Variants in THSD4 observed in about 807,000 individuals in gnomAD.
The protein encoded by THSD4 is thrombospondin type-1 domain-containing protein 4.
In THSD4, 69 loss-of-function variants were observed where a neutral mutation model predicts 119.0. That is an observed-to-expected ratio of 0.58 (90% CI 0.48 to 0.71). The LOEUF (loss-of-function observed/expected upper bound fraction) is 0.71, where lower values mean the gene tolerates loss of function less well. Among genes scored for constraint, THSD4 ranks in the 30% least tolerant of loss-of-function variants. The probability of loss-of-function intolerance (pLI) is 0.00; values close to 1 mark genes in which losing one functional copy is unlikely to be tolerated. For synonymous variants in THSD4, 524 were observed against 540.4 expected (o/e 0.97, Z 0.42); for missense variants, 1,393 against 1,391.1 (o/e 1.00, Z -0.02).
intron 6 of THSD4, among the ~76,000 whole-genome samples, chr15:71,293,917 T>TG (rs1055249605): frequency 3.1e-4 from 47 of 152,208 alleles, no homozygotes; most frequent in Non-Finnish European, 1.9e-4. Flanking sequence ...AGTGGCTGCC[T>TG]GGGGGGTCCC....
At chr15:71,386,088 T>G (rs996134894) in intron 6 of THSD4, among the ~76,000 whole-genome samples, 3 of 152,220 alleles carry the variant, frequency 2.0e-5, no homozygotes, top group Non-Finnish European at 2.9e-5. Flanking sequence ...TGGGACTGTT[T>G]ACTGAGTAGG....
intron 5 of THSD4, among the ~76,000 whole-genome samples, chr15:71,249,606 A>C (rs1280491890): frequency 1.3e-5 from 2 of 151,960 alleles, no homozygotes; most frequent in Non-Finnish European, 2.9e-5. Context: ...CTTCATATAT[A>C]TATACACACA....
At chr15:71,757,557 A>AGT (rs1294856186) in intron 14 of THSD4, among the ~76,000 whole-genome samples, 1,547 of 150,296 alleles carry the variant, frequency 0.01, 4 homozygotes, top group South Asian at 0.013. Context: ...CAGCCTCCCA[A>AGT]AGCTCTGGTA....
intron 7 of THSD4, among the ~76,000 whole-genome samples, chr15:71,505,332 G>A (rs2048171205): frequency 6.6e-6 from 1 of 152,194 alleles, no homozygotes; most frequent in Non-Finnish European, 1.5e-5. Context: ...TTTCTGTACA[G>A]AGGTTCGTTG....
At chr15:71,653,026 G>A (rs1364076899) in intron 7 of THSD4, among the ~76,000 whole-genome samples, 1 of 152,158 alleles carries the variant, frequency 6.6e-6, no homozygotes, top group Non-Finnish European at 1.5e-5. Flanking sequence ...GGCACCAGAA[G>A]GGACCTTAGA....
chr15:71,626,436 G>T (rs189243358), intron 7 of THSD4, among the ~76,000 whole-genome samples: 2 of 152,250 alleles, frequency 1.3e-5, no homozygotes, highest in Admixed American at 1.3e-4. Flanking sequence ...TGAGAGTGGT[G>T]GTTTCTGTGG....
intron 3 of THSD4, among the ~76,000 whole-genome samples, chr15:71,193,610 T>C (rs1413736560): frequency 6.6e-6 from 1 of 152,170 alleles, no homozygotes; most frequent in East Asian, 1.9e-4. Flanking sequence ...AATTCCCACG[T>C]GCTGTGGGAG....
At chr15:71,709,136 C>T (rs2052455887) in intron 8 of THSD4, among the ~76,000 whole-genome samples, 1 of 152,190 alleles carries the variant, frequency 6.6e-6, no homozygotes, top group South Asian at 2.1e-4. Context: ...CTAGCTTTCT[C>T]ACCTGGAAAA....
chr15:71,394,767 G>A (rs566991073), intron 6 of THSD4, among the ~76,000 whole-genome samples: 13 of 152,294 alleles, frequency 8.5e-5, no homozygotes, highest in African/African-American at 2.9e-4. Flanking sequence ...TATTGTATAT[G>A]CCCTGGGAGA....
chr15:71,735,682 C>A (rs2053076544), intron 10 of THSD4, among the ~76,000 whole-genome samples: 1 of 150,212 alleles, frequency 6.7e-6, no homozygotes, highest in Non-Finnish European at 1.5e-5. Context: ...GTCTCTCTCA[C>A]TTTCTGTCTC....
At chr15:71,409,816 A>G (rs773037433) in intron 6 of THSD4, among the ~76,000 whole-genome samples, 3 of 152,034 alleles carry the variant, frequency 2.0e-5, no homozygotes, top group Non-Finnish European at 4.4e-5. Flanking sequence ...CAGTCAGGTA[A>G]TCTGATTTTT....
At chr15:71,127,369 T>G (rs900367082) in intron 1 of THSD4, among the ~76,000 whole-genome samples, 2 of 152,242 alleles carry the variant, frequency 1.3e-5, no homozygotes, top group Non-Finnish European at 2.9e-5. Flanking sequence ...AGTGCTGCAT[T>G]GAACATGGGA....
chr15:71,190,204 G>A (rs2043658786), intron 3 of THSD4, among the ~76,000 whole-genome samples: 1 of 152,164 alleles, frequency 6.6e-6, no homozygotes, highest in African/African-American at 2.4e-5. Context: ...TGGCTCACAA[G>A]CCAAACCTTT....
At chr15:71,628,789 A>G (rs1157135424) in intron 7 of THSD4, among the ~76,000 whole-genome samples, 2 of 152,226 alleles carry the variant, frequency 1.3e-5, no homozygotes, top group African/African-American at 2.4e-5. Flanking sequence ...CAGAAAATCC[A>G]TGCAAGTTTG....
intron 6 of THSD4, among the ~76,000 whole-genome samples, chr15:71,278,930 G>A (rs1309168874): frequency 6.6e-6 from 1 of 152,186 alleles, no homozygotes; most frequent in Non-Finnish European, 1.5e-5. Context: ...TTGTCCAGGG[G>A]ATTGAAGTTT....
intron 7 of THSD4, among the ~76,000 whole-genome samples, chr15:71,458,586 C>T (rs979681668): frequency 6.6e-6 from 1 of 152,180 alleles, no homozygotes; most frequent in Non-Finnish European, 1.5e-5. Context: ...AGTAAAAATA[C>T]TATGCCTGCT....
chr15:71,308,180 GA>G (rs1650610986), intron 6 of THSD4, among the ~76,000 whole-genome samples: 1 of 152,146 alleles, frequency 6.6e-6, no homozygotes, highest in South Asian at 2.1e-4. Context: ...GTATTCCAAG[GA>G]CCCAGAGGTT....
chr15:71,481,578 C>G (rs551235297), intron 7 of THSD4, among the ~76,000 whole-genome samples: 1 of 152,278 alleles, frequency 6.6e-6, no homozygotes, highest in East Asian at 1.9e-4. Context: ...TCTCAACTCT[C>G]ATTTTTCTCT....
In THSD4 at chr15:71,411,751, A is replaced by G; in HGVS notation, c.1080A>G (p.Gln360=). The G allele has an allele frequency of 1.2e-6, 2 of 1,614,166 alleles. No individual in the cohort carries two copies. Among genetic ancestry groups the G allele is most frequent in the Non-Finnish European group, 1.7e-6 (2 of 1,180,012 alleles). ...QAMGYRFYVR[Q]AEKVIDGTPC... is the part of the protein sequence containing the mutation. ...TGGGCTACCGCTTCTATGTACGGCA[A>G]GCTGAGAAAGTCATCGATGGCACCC... Residue 360 remains glutamine (Q), a synonymous_variant, in exon 7 of 18, where the codon CAA becomes CAG. Coordinates refer to ENST00000261862, the MANE Select transcript of THSD4 (RefSeq NM_024817.3).
Sources: gnomAD v4.1 joint callset for allele counts (sites outside exome capture counted in the v4.1 genomes callset) on GRCh38, gnomAD v4.1.1 for gene constraint, MANE v1.5 for transcripts, NCBI Gene and HGNC (gene_info 2026-07-23, HGNC 2026-07-21) for gene names.